The following FAM241A variants were observed in gnomAD, a reference collection of about 807,000 sequenced individuals.
FAM241A encodes the protein uncharacterized protein FAM241A.
Under a neutral mutation model 12.2 loss-of-function variants are expected in FAM241A, and 7 were observed. The observed-to-expected ratio is 0.58, with a 90% CI of 0.33 to 1.08. The LOEUF (loss-of-function observed/expected upper bound fraction) is 1.08. FAM241A is among the 50% of genes least tolerant of loss of function. FAM241A has a pLI of 0.04. For synonymous variants in FAM241A, 74 were observed against 68.2 expected (o/e 1.08, Z -0.42); for missense variants, 161 against 169.7 (o/e 0.95, Z 0.29).
intron 1 of FAM241A, among the ~76,000 whole-genome samples, chr4:112,179,430 CCAT>C: frequency 6.6e-6 from 1 of 152,074 alleles, no homozygotes; most frequent in South Asian, 2.1e-4. Flanking sequence ...AAGCTGGAAA[CCAT>C]CATTCTCAGC....
At chr4:112,147,605 A>G (rs932945928) in intron 1 of FAM241A, among the ~76,000 whole-genome samples, 4 of 152,234 alleles carry the variant, frequency 2.6e-5, no homozygotes, top group Admixed American at 6.5e-5. Flanking sequence ...ATAGTATTAC[A>G]TGTGTAAAGA....
intron 1 of FAM241A, among the ~76,000 whole-genome samples, chr4:112,175,716 C>T (rs1195766862): frequency 2.0e-5 from 3 of 151,438 alleles, no homozygotes; most frequent in African/African-American, 7.3e-5. Flanking sequence ...TGCAGTGAGC[C>T]GAGATCATGC....
At chr4:112,155,072 G>A (rs1723325627) in intron 1 of FAM241A, among the ~76,000 whole-genome samples, 2 of 151,998 alleles carry the variant, frequency 1.3e-5, no homozygotes, top group East Asian at 1.9e-4. Context: ...AGAGGCTTGA[G>A]TTAGGCATAT....
intron 1 of FAM241A, among the ~76,000 whole-genome samples, chr4:112,161,389 A>T (rs1408774160): frequency 6.6e-6 from 1 of 152,184 alleles, no homozygotes. Context: ...TTTTGAAAAG[A>T]TCAACAAAAT....
At chr4:112,159,425 C>T (rs1302302551) in intron 1 of FAM241A, among the ~76,000 whole-genome samples, 1 of 152,086 alleles carries the variant, frequency 6.6e-6, no homozygotes, top group Non-Finnish European at 1.5e-5. Flanking sequence ...TAGCAAATTT[C>T]CTCTTTTAAA....
At chr4:112,176,140 A>T (rs1166941243) in intron 1 of FAM241A, among the ~76,000 whole-genome samples, 1 of 152,222 alleles carries the variant, frequency 6.6e-6, no homozygotes, top group Non-Finnish European at 1.5e-5. Context: ...GAGATGTTCC[A>T]TAGAAAACAT....
At chr4:112,160,675 C>A (rs536362388) in intron 1 of FAM241A, among the ~76,000 whole-genome samples, 1 of 152,208 alleles carries the variant, frequency 6.6e-6, no homozygotes, top group South Asian at 2.1e-4. Flanking sequence ...GCTTTAGTAA[C>A]CAAAACAGTG....
intron 1 of FAM241A, among the ~76,000 whole-genome samples, chr4:112,159,876 A>T (rs1723425992): frequency 6.6e-6 from 1 of 152,242 alleles, no homozygotes; most frequent in African/African-American, 2.4e-5. Flanking sequence ...CATGAGAAGG[A>T]TGTCCACTGG....
At chr4:112,155,525 T>C (rs1357270144) in intron 1 of FAM241A, among the ~76,000 whole-genome samples, 2 of 151,470 alleles carry the variant, frequency 1.3e-5, no homozygotes, top group Non-Finnish European at 2.9e-5. Context: ...TGATAAGTTA[T>C]AAATTATATA....
intron 1 of FAM241A, among the ~76,000 whole-genome samples, chr4:112,179,281 C>CA (rs1723880078): frequency 6.6e-6 from 1 of 152,068 alleles, no homozygotes; most frequent in Non-Finnish European, 1.5e-5. Flanking sequence ...CAGCACTACT[C>CA]ACAATAGCAA....
At chr4:112,179,337 AG>A (rs1484675485) in intron 1 of FAM241A, among the ~76,000 whole-genome samples, 2 of 152,232 alleles carry the variant, frequency 1.3e-5, no homozygotes, top group African/African-American at 4.8e-5. Context: ...GACTGGATTA[AG>A]AAAATGTGGC....
chr4:112,160,339 A>C (rs1723437378), intron 1 of FAM241A, among the ~76,000 whole-genome samples: 1 of 149,950 alleles, frequency 6.7e-6, no homozygotes, highest in Non-Finnish European at 1.5e-5. Context: ...CAGGAGGCAG[A>C]GGTTGCAGTG....
chr4:112,170,555 G>A (rs75228487), intron 1 of FAM241A, among the ~76,000 whole-genome samples: 4,494 of 152,148 alleles, frequency 0.03, 182 homozygotes, highest in East Asian at 0.16. Context: ...ACTACTAAGC[G>A]ACTAATGGGT....
At chr4:112,174,272 G>A (rs1415349695) in intron 1 of FAM241A, among the ~76,000 whole-genome samples, 2 of 152,184 alleles carry the variant, frequency 1.3e-5, no homozygotes, top group Non-Finnish European at 2.9e-5. Flanking sequence ...GAAAACCAGG[G>A]GCTGCTCCCC....
chr4:112,167,505 G>C (rs938216008), intron 1 of FAM241A, among the ~76,000 whole-genome samples: 25 of 152,158 alleles, frequency 1.6e-4, no homozygotes, highest in African/African-American at 6.0e-4. Flanking sequence ...TGAATTTGAG[G>C]TTTCTCTAAG....
chr4:112,186,046 T>A (rs1724033112), intron 1 of FAM241A, among the ~76,000 whole-genome samples: 1 of 152,006 alleles, frequency 6.6e-6, no homozygotes, highest in Non-Finnish European at 1.5e-5. Flanking sequence ...TTAATTATAA[T>A]ACAAGTGGAA....
intron 1 of FAM241A, among the ~76,000 whole-genome samples, chr4:112,166,209 C>T (rs943501091): frequency 6.6e-6 from 1 of 151,698 alleles, no homozygotes; most frequent in South Asian, 2.1e-4. Context: ...CCACCACACC[C>T]GGCTAATTTT....
rs1279528889 is a variant in FAM241A, at chr4:112,190,905, A to G, written c.*3967A>G. ...CATCACTCCACACAGCAGCTCGGCA[A>G]TGTCACCACTCCCGTGGCTGCAGAG... On this transcript the variant is annotated 3_prime_UTR_variant, in exon 2 of 2. Transcript: ENST00000309733. The G allele has an allele frequency of 1.3e-5, 2 of 152,180 alleles. No individual in the cohort carries two copies. The highest frequency in any genetic ancestry group is 2.4e-5 in the African/African-American group (1 of 41,404). The allele number at this position is 152,180 out of a possible 1,614,324, so 9.4% of individuals were successfully genotyped here. A position where few individuals can be genotyped will look rare whatever the true frequency, so the allele number is the denominator to read the frequency against.
intron 1 of FAM241A, among the ~76,000 whole-genome samples, chr4:112,167,123 A>T (rs868448901): frequency 2.7e-4 from 38 of 143,208 alleles, no homozygotes; most frequent in African/African-American, 3.9e-4. Flanking sequence ...CAAAAAAAAA[A>T]AAAATAAAAA....
Sources: gnomAD v4.1 joint callset for allele counts (sites outside exome capture counted in the v4.1 genomes callset) on GRCh38, gnomAD v4.1.1 for gene constraint, MANE v1.5 for transcripts, NCBI Gene and HGNC (gene_info 2026-07-23, HGNC 2026-07-21) for gene names.